MFSD12: variants seen among roughly 807,000 people sequenced by gnomAD.
MFSD12 encodes the protein major facilitator superfamily domain-containing protein 12.
In MFSD12, 67 loss-of-function variants were observed where a neutral mutation model predicts 51.2. The ratio of observed to expected loss-of-function variants is 1.31; its 90% CI spans 1.08 to 1.60. The LOEUF (loss-of-function observed/expected upper bound fraction) is 1.60, where lower values mean the gene tolerates loss of function less well. MFSD12 is among the 40% of genes most tolerant of loss of function. MFSD12 has a pLI of 0.00. For synonymous variants in MFSD12, 441 were observed against 316.7 expected (o/e 1.39, Z -4.17); for missense variants, 921 against 673.0 (o/e 1.37, Z -4.08).
At position 3,546,316 on chromosome 19, in the gene MFSD12, C is replaced by A; in HGVS notation, c.1133G>T (p.Gly378Val). Residue 378 changes from glycine to valine, a missense_variant, in exon 7 of 10, where the codon GGC (glycine) becomes GTC (valine). Gly to Val is a moderately radical substitution (Grantham distance 109, BLOSUM62 -3). Coordinates refer to ENST00000355415, the MANE Select transcript of MFSD12 (RefSeq NM_174983.5). The part of the protein sequence containing the change: ...VYAAAVLLGA[G>V]CATILVTSLA... Reference sequence around the variant, plus strand: ...CGAGGTGACGAGGATGGTGGCACAGCCAGCACCCAGCAGCACAGCCGCTGC... The same window carrying A: ...CGAGGTGACGAGGATGGTGGCACAGACAGCACCCAGCAGCACAGCCGCTGC... 6.2e-7 allele frequency: 1 copy of A among 1,608,962 alleles called. No homozygotes were observed. The highest frequency in any genetic ancestry group is 8.5e-7 in the Non-Finnish European group (1 of 1,178,410).
rs1321859031 is a variant in MFSD12, at chr19:3,557,410, G to A, written c.-7C>T. 3 of 1,224,878 alleles carry A rather than the reference G, an allele frequency of 2.4e-6. No homozygotes were observed. The highest frequency in any genetic ancestry group is 3.1e-6 in the Non-Finnish European group (3 of 979,058). The allele number at this position is 1,224,878 out of a possible 1,614,324, so 75.9% of individuals were successfully genotyped here. On this transcript the variant is annotated 5_prime_UTR_variant, in exon 1 of 10. Transcript: ENST00000355415. ...CTGGGGGTCCCGGGCCCATCGCGGC[G>A]CCGGGCCCGCGCCCCCCACCCCCGG...
At chr19:3,546,029 C>G in intron 8 of MFSD12, 45 bp downstream of exon 8, 1 of 1,598,120 alleles carries the variant, frequency 6.3e-7, no homozygotes. Context: ...CGCTTAATCC[C>G]CTCTTACTGA....
At chr19:3,547,424 C>A (rs1328682815) in intron 5 of MFSD12, 31 bp downstream of exon 5, 1 of 1,611,474 alleles carries the variant, frequency 6.2e-7, no homozygotes, top group Non-Finnish European at 8.5e-7. Context: ...GGGGCCGTCC[C>A]ATCCCAGCGT....
Position 3,551,203 on chromosome 19 carries a change from G to A in MFSD12, c.299-9C>T, listed in dbSNP as rs752444479. 1 of 1,593,632 alleles carries A rather than the reference G, an allele frequency of 6.3e-7. No homozygotes were observed. Among genetic ancestry groups the A allele is most frequent in the Non-Finnish European group, 8.6e-7 (1 of 1,169,580 alleles). On this transcript the variant is annotated splice_polypyrimidine_tract_variant and intron_variant, in intron 1 of 9. Transcript: ENST00000355415. This position sits in a 1 kb window ranked among gnomAD's most constrained non-coding sequence, Gnocchi z 4.6. Reference sequence around the variant, plus strand: ...CAGGACGCAGACGGTGCCTGTGGAAGGCAGAGTGGTCAGTCGCGGGGCTGT... The same window carrying A: ...CAGGACGCAGACGGTGCCTGTGGAAAGCAGAGTGGTCAGTCGCGGGGCTGT...
downstream of MFSD12, chr19:3,542,796 G>A (rs1489300267): frequency 7.3e-7 from 1 of 1,370,396 alleles, no homozygotes; most frequent in African/African-American, 1.5e-5. Flanking sequence ...GGGTCCCCCA[G>A]TCTTCCCTGG....
Position 3,544,726 on chromosome 19 carries a change from C to CG in MFSD12, c.1426dup (p.Arg476ProfsTer2). ...TGTCAGGAGTCAGGGCCGGGCATCA[C>CG]GGTCCCCTGCAAGGGAGGGGTGGAA... On this transcript the variant is annotated frameshift_variant, in exon 10 of 10. Coordinates refer to ENST00000355415, the MANE Select transcript of MFSD12 (RefSeq NM_174983.5). LOFTEE classifies it high-confidence loss of function. 6.8e-7 allele frequency: 1 copy of CG among 1,463,068 alleles called. No homozygotes were observed. The highest frequency in any genetic ancestry group is 9.2e-7 in the Non-Finnish European group (1 of 1,085,706). The allele number at this position is 1,463,068 out of a possible 1,614,324, so 90.6% of individuals were successfully genotyped here. A position where few individuals can be genotyped will look rare whatever the true frequency, so the allele number is the denominator to read the frequency against.
chr19:3,546,073 C>A lies in MFSD12; in HGVS notation c.1289+1G>T. The A allele has an allele frequency of 6.2e-7, 1 of 1,613,184 alleles. No individual in the cohort carries two copies. The highest frequency in any genetic ancestry group is 8.5e-7 in the Non-Finnish European group (1 of 1,179,814). The stretch of plus-strand genomic sequence containing the variant: ...ATGAATGAACGAACAGCGGCACTCA[C>A]GGGCAAGGGTGCAGGCTCTGGATGG... On this transcript the variant is annotated splice_donor_variant, in intron 8 of 9. Transcript: ENST00000355415. LOFTEE classifies it high-confidence loss of function.
rs766036101 is a variant in MFSD12 at position 3,544,904 on chromosome 19, T to A, written c.1325A>T (p.Tyr442Phe). ...ELCCRACVSFYHWAMVAVTGG... is the reference protein window; with the variant it reads ...ELCCRACVSFFHWAMVAVTGG... ...CGTCACAGCCACCATCGCCCAGTGG[T>A]AAAAGCTCACGCAGGCCCTGCAGCA... Residue 442 changes from tyrosine to phenylalanine, a missense_variant, in exon 9 of 10, where the codon TAC becomes TTC. Physicochemically the swap from Tyr to Phe is conservative, Grantham distance 22. Coordinates refer to ENST00000355415, the MANE Select transcript of MFSD12 (RefSeq NM_174983.5). 1.2e-6 allele frequency: 2 copies of A among 1,611,126 alleles called. No individual in the cohort carries two copies. Among genetic ancestry groups the A allele is most frequent in the Admixed American group, 1.7e-5 (1 of 59,870 alleles).
intron 1 of MFSD12, among the ~76,000 whole-genome samples, chr19:3,555,258 GC>G: frequency 6.6e-6 from 1 of 152,192 alleles, no homozygotes; most frequent in South Asian, 2.1e-4. Context: ...ACAGGCGTGC[GC>G]CACCACGCTC....
At chr19:3,554,386 G>A (rs893114000) in intron 1 of MFSD12, among the ~76,000 whole-genome samples, 2 of 150,276 alleles carry the variant, frequency 1.3e-5, no homozygotes, top group Admixed American at 6.7e-5. Flanking sequence ...GCAGTGAGCC[G>A]AGATCCCGCT....
intron 6 of MFSD12, 114 bp from the exon 7 acceptor site, chr19:3,546,539 C>T: frequency 8.0e-7 from 1 of 1,249,424 alleles, no homozygotes; most frequent in Admixed American, 2.5e-5. Flanking sequence ...CTGGATGGTC[C>T]CTAAGGAGCC....
At chr19:3,554,201 C>T (rs1481162694) in intron 1 of MFSD12, among the ~76,000 whole-genome samples, 1 of 152,052 alleles carries the variant, frequency 6.6e-6, no homozygotes, top group Non-Finnish European at 1.5e-5. Context: ...CTGTGGGGGG[C>T]TGAGACAGGC....
chr19:3,541,846 T>C (rs1160051863), downstream of MFSD12: 2 of 963,958 alleles, frequency 2.1e-6, no homozygotes, highest in African/African-American at 3.5e-5. Flanking sequence ...TCTCGCTCTC[T>C]CACCCAGGCT....
In MFSD12 at chr19:3,547,976, G is replaced by C. The variant is rs1372345820; in HGVS notation, c.709C>G (p.Leu237Val). The C allele has an allele frequency of 6.3e-7, 1 of 1,598,432 alleles. No individual in the cohort carries two copies. Among genetic ancestry groups the C allele is most frequent in the Non-Finnish European group, 8.5e-7 (1 of 1,178,952 alleles). The change falls in exon 4 of 10, where the codon CTG (leucine) becomes GTG (valine). Residue 237 changes from leucine (L) to valine (V), a missense_variant. Transcript: ENST00000355415. ...VGAVFSLLFH[L>V]GTRERRRPHA... ...GGCCGGCGCCTCTCCCGGGTGCCCA[G>C]GTGGAATAGCAGTGAGAACACGGCG...
At chr19:3,539,551 C>G, downstream of MFSD12, 1 of 457,678 alleles carries the variant, frequency 2.2e-6, no homozygotes, top group Non-Finnish European at 4.0e-6. Context: ...CCTCTGAAAT[C>G]CAGGCCTGTG....
rs56203814 is a variant in MFSD12 at position 3,544,894 on chromosome 19, C to G, written c.1335G>C (p.Ala445=). The change falls in exon 9 of 10, where the codon GCG becomes GCC. Residue 445 remains alanine, a synonymous_variant. Coordinates refer to ENST00000355415, the MANE Select transcript of MFSD12 (RefSeq NM_174983.5). ...CRACVSFYHW[A]MVAVTGGVGV... ...CCACGCCGCCCGTCACAGCCACCAT[C>G]GCCCAGTGGTAAAAGCTCACGCAGG... 6.2e-6 allele frequency: 10 copies of G among 1,611,760 alleles called. No homozygotes were observed. The highest frequency in any genetic ancestry group is 8.5e-6 in the Non-Finnish European group (10 of 1,179,528).
intron 1 of MFSD12, among the ~76,000 whole-genome samples, chr19:3,556,761 C>T (rs1459992278): frequency 6.6e-6 from 1 of 151,144 alleles, no homozygotes; most frequent in South Asian, 2.1e-4. Context: ...ATGGGGCAGA[C>T]AAACAGGGGA....
rs2031267082 is a variant in MFSD12, at chr19:3,548,585, ATTC to A, written c.510-321_510-319del. Among the ~76,000 whole-genome samples the A allele has an allele frequency of 1.3e-5, 2 of 152,194 alleles. 1 individual carries two copies. Among genetic ancestry groups the A allele is most frequent in the South Asian group, 4.1e-4 (2 of 4,836 alleles). ...GAGACTCAGAAGCCAGAATTCGAGAATTCTTCTTCCCCAGATGCTGGGCGGCTA... is the reference window on the plus strand; with the variant it reads ...GAGACTCAGAAGCCAGAATTCGAGAATTCTTCCCCAGATGCTGGGCGGCTA... On this transcript the variant is annotated intron_variant, in intron 2 of 9. Coordinates refer to ENST00000355415, the MANE Select transcript of MFSD12 (RefSeq NM_174983.5).
chr19:3,544,459 C>G lies in MFSD12; in HGVS notation c.*251G>C. 1 of 1,349,950 alleles carries G rather than the reference C, an allele frequency of 7.4e-7. No homozygotes were observed. Among genetic ancestry groups the G allele is most frequent in the Non-Finnish European group, 9.5e-7 (1 of 1,053,606 alleles). 83.6% of individuals were successfully genotyped at this position (1,349,950 alleles called of 1,614,324 possible). On this transcript the variant is annotated 3_prime_UTR_variant, in exon 10 of 10. Coordinates refer to ENST00000355415, the MANE Select transcript of MFSD12 (RefSeq NM_174983.5). Reference sequence around the variant, plus strand: ...CTGTTCCCTGCCGAGAGGGGCACCCCAAATCCTCCAGAGGGCTGGGATGGA... The same window carrying G: ...CTGTTCCCTGCCGAGAGGGGCACCCGAAATCCTCCAGAGGGCTGGGATGGA...
Sources: gnomAD v4.1 joint callset for allele counts (sites outside exome capture counted in the v4.1 genomes callset) on GRCh38, gnomAD v4.1.1 for gene constraint, Gnocchi (gnomAD v3.1) non-coding constraint, MANE v1.5 for transcripts, NCBI Gene and HGNC (gene_info 2026-07-23, HGNC 2026-07-21) for gene names.